The following SHLD2 variants were observed in gnomAD, a reference collection of about 807,000 sequenced individuals.
The protein encoded by SHLD2 is RINN1-REV7-interacting novel NHEJ regulator 2.
SHLD2 carries 30 observed loss-of-function variants against 73.2 expected under a neutral mutation model. The observed-to-expected ratio is 0.41, with a 90% CI of 0.31 to 0.56. The LOEUF (loss-of-function observed/expected upper bound fraction) is 0.56. Among genes scored for constraint, SHLD2 ranks in the 20% least tolerant of loss-of-function variants. The pLI, the probability that SHLD2 is intolerant of heterozygous loss-of-function variation, is 0.28. For missense variants in SHLD2, 745 were observed against 1,055.9 expected, an observed-to-expected ratio of 0.71 and a Z score of 4.08; for synonymous variants, 285 against 370.1, an observed-to-expected ratio of 0.77 and a Z score of 2.64.
At chr10:87,174,849 C>T (rs1847839294) in intron 6 of SHLD2, among the ~76,000 whole-genome samples, 1 of 152,178 alleles carries the variant, frequency 6.6e-6, no homozygotes, top group Admixed American at 6.5e-5. Context: ...GGCGTGGTGG[C>T]TCCCGCCTGT....
intron 3 of SHLD2, chr10:87,154,382 T>C (rs915204848): frequency 2.1e-5 from 3 of 146,128 alleles, no homozygotes; most frequent in Non-Finnish European, 4.5e-5. Context: ...GAATATTTAA[T>C]ATTTTTTTTT....
intron 2 of SHLD2, among the ~76,000 whole-genome samples, chr10:87,100,343 A>G (rs546672855): frequency 3.9e-5 from 6 of 152,268 alleles, no homozygotes; most frequent in South Asian, 2.1e-4. Context: ...TCAAAAGACT[A>G]TTTCTTTCCC....
chr10:87,188,301 G>A (rs1381124131), intron 9 of SHLD2, among the ~76,000 whole-genome samples: 1 of 152,160 alleles, frequency 6.6e-6, no homozygotes, highest in Non-Finnish European at 1.5e-5. Flanking sequence ...ACCACTAATG[G>A]TCTTGACCCA....
chr10:87,125,859 G>A (rs1471679084), intron 2 of SHLD2, among the ~76,000 whole-genome samples: 3 of 152,104 alleles, frequency 2.0e-5, no homozygotes, highest in East Asian at 1.9e-4. Context: ...CCCGGGAGGC[G>A]GAGGTTGCAA....
At chr10:87,141,236 G>A (rs900546295) in intron 2 of SHLD2, among the ~76,000 whole-genome samples, 5 of 152,068 alleles carry the variant, frequency 3.3e-5, no homozygotes, top group Non-Finnish European at 7.3e-5. Context: ...AACTGTGTTC[G>A]TGCCACTGCA....
intron 2 of SHLD2, among the ~76,000 whole-genome samples, chr10:87,099,886 G>A (rs991905527): frequency 6.6e-6 from 1 of 152,102 alleles, no homozygotes; most frequent in Non-Finnish European, 1.5e-5. Context: ...CATCTTTCAT[G>A]TGCTTATGGA....
rs5786765 is a variant in SHLD2, at chr10:87,174,567, CAA to C, written c.1964-1305_1964-1304del. The stretch of plus-strand genomic sequence containing the variant: ...ACTGAGATGTTTGATGATTTTCCAC[CAA>C]AAAAAAAAAAAAAAAATCTCTAGTG... On this transcript the variant is annotated intron_variant, in intron 6 of 9. Coordinates refer to ENST00000298786, the MANE Select transcript of SHLD2 (RefSeq NM_001330112.2). Among the ~76,000 whole-genome samples the C allele has an allele frequency of 2.2e-3, 247 of 113,232 alleles. 1 individual carries two copies. Among genetic ancestry groups the C allele is most frequent in the African/African-American group, 4.8e-3 (158 of 33,212 alleles). The allele number at this position is 113,232 out of a possible 152,430, so 74.3% of individuals were successfully genotyped here.
chr10:87,112,235 C>T (rs1430014297), intron 2 of SHLD2, among the ~76,000 whole-genome samples: 1 of 117,698 alleles, frequency 8.5e-6, no homozygotes. Flanking sequence ...GAGACTCCGT[C>T]TCAAAAAAAA....
intron 2 of SHLD2, among the ~76,000 whole-genome samples, chr10:87,106,500 A>G (rs1034244241): frequency 6.6e-6 from 1 of 152,246 alleles, no homozygotes; most frequent in Non-Finnish European, 1.5e-5. Flanking sequence ...CAGTCTTCAA[A>G]TTCTAGTTCT....
At chr10:87,162,779 G>C (rs1564606241) in intron 4 of SHLD2, among the ~76,000 whole-genome samples, 1 of 152,076 alleles carries the variant, frequency 6.6e-6, no homozygotes, top group African/African-American at 2.4e-5. Flanking sequence ...ACTACATGGA[G>C]ATACCATTTC....
chr10:87,160,475 C>CA (rs1436321215), intron 4 of SHLD2, among the ~76,000 whole-genome samples: 3 of 151,886 alleles, frequency 2.0e-5, no homozygotes, highest in African/African-American at 7.3e-5. Context: ...GACCTTGTCT[C>CA]AAAAAAATTT....
chr10:87,111,524 T>G (rs1473187910), intron 2 of SHLD2, among the ~76,000 whole-genome samples: 16 of 151,000 alleles, frequency 1.1e-4, no homozygotes, highest in Non-Finnish European at 1.6e-4. Context: ...GCCTGTAATC[T>G]CAACTACTTG....
At chr10:87,175,390 A>G (rs1055970314) in intron 6 of SHLD2, among the ~76,000 whole-genome samples, 2 of 151,288 alleles carry the variant, frequency 1.3e-5, no homozygotes, top group African/African-American at 4.9e-5. Flanking sequence ...TATTTTATTA[A>G]AATTATCTCT....
intron 7 of SHLD2, among the ~76,000 whole-genome samples, chr10:87,178,650 G>A (rs1370906512): frequency 1.3e-5 from 2 of 151,920 alleles, no homozygotes; most frequent in Non-Finnish European, 2.9e-5. Flanking sequence ...CAGGGAGGTT[G>A]AGACTGCAGT....
At chr10:87,166,542 GTTCTT>G (rs1320111448) in intron 4 of SHLD2, among the ~76,000 whole-genome samples, 1 of 152,192 alleles carries the variant, frequency 6.6e-6, no homozygotes, top group Non-Finnish European at 1.5e-5. Context: ...GAAGATTTCA[GTTCTT>G]TTCAAGTTGA....
intron 2 of SHLD2, among the ~76,000 whole-genome samples, chr10:87,108,733 A>G (rs1436369162): frequency 6.6e-6 from 1 of 152,248 alleles, no homozygotes; most frequent in Non-Finnish European, 1.5e-5. Flanking sequence ...TAAATTAATT[A>G]CATGTTAATC....
At chr10:87,127,532 C>A (rs1202671245) in intron 2 of SHLD2, among the ~76,000 whole-genome samples, 2 of 66,020 alleles carry the variant, frequency 3.0e-5, no homozygotes, top group Non-Finnish European at 5.9e-5. Flanking sequence ...CTTACCCGCC[C>A]CCCCCCACCC....
intron 6 of SHLD2, among the ~76,000 whole-genome samples, chr10:87,171,849 G>GT (rs1564610912): frequency 1.3e-5 from 2 of 152,062 alleles, no homozygotes; most frequent in African/African-American, 4.8e-5. Flanking sequence ...ACAGATGTTT[G>GT]TTTGGTTGAG....
At chr10:87,112,991 G>A (rs1564580332) in intron 2 of SHLD2, among the ~76,000 whole-genome samples, 1 of 152,106 alleles carries the variant, frequency 6.6e-6, no homozygotes, top group African/African-American at 2.4e-5. Flanking sequence ...GTAAAAGAGT[G>A]GGAACAACCT....
Sources: allele counts gnomAD v4.1 joint callset (sites outside exome capture counted in the v4.1 genomes callset), GRCh38; gene constraint gnomAD v4.1.1; transcripts MANE v1.5; gene names NCBI Gene and HGNC (gene_info 2026-07-23, HGNC 2026-07-21).